The following ZFPM2 variants were observed in gnomAD, a reference collection of about 807,000 sequenced individuals.
ZFPM2 encodes the protein zinc finger protein, FOG family member 2.
Under a neutral mutation model 98.6 loss-of-function variants are expected in ZFPM2, and 20 were observed. The ratio of observed to expected loss-of-function variants is 0.20; its 90% CI spans 0.14 to 0.29. The LOEUF (loss-of-function observed/expected upper bound fraction) is 0.29. Ranked by LOEUF, ZFPM2 falls within the 10% of genes least tolerant of loss-of-function variation. The pLI, the probability that ZFPM2 is intolerant of heterozygous loss-of-function variation, is 1.00. For synonymous variants in ZFPM2, 518 were observed against 502.7 expected (o/e 1.03, Z -0.41); for missense variants, 1,310 against 1,388.6 (o/e 0.94, Z 0.90).
chr8:105,428,239 T>G (rs1158484233), intron 2 of ZFPM2, among the ~76,000 whole-genome samples: 1 of 152,148 alleles, frequency 6.6e-6, no homozygotes, highest in Admixed American at 6.5e-5. Flanking sequence ...TAATAAACAC[T>G]TACTGTACAC....
chr8:105,674,803 T>A (rs917118929), intron 5 of ZFPM2, among the ~76,000 whole-genome samples: 10 of 152,146 alleles, frequency 6.6e-5, no homozygotes, highest in African/African-American at 2.4e-4. Context: ...AGAAATCATT[T>A]CATGGGTGCC....
chr8:105,734,939 C>A (rs1812033408), intron 5 of ZFPM2, among the ~76,000 whole-genome samples: 1 of 150,490 alleles, frequency 6.6e-6, no homozygotes, highest in Non-Finnish European at 1.5e-5. Context: ...CTGCCATTTC[C>A]AGTTTCTCTC....
intron 3 of ZFPM2, among the ~76,000 whole-genome samples, chr8:105,542,180 A>G (rs1175110845): frequency 6.6e-6 from 1 of 152,166 alleles, no homozygotes. Context: ...GAGTAAAAAT[A>G]TCGTAATGTT....
intron 3 of ZFPM2, among the ~76,000 whole-genome samples, chr8:105,457,970 G>A (rs1160489022): frequency 3.3e-5 from 5 of 152,160 alleles, no homozygotes; most frequent in Admixed American, 2.0e-4. Flanking sequence ...ACAATAAAAG[G>A]GTTTGGTAAA....
chr8:105,635,540 T>C (rs1458033107), intron 5 of ZFPM2, among the ~76,000 whole-genome samples: 1 of 152,122 alleles, frequency 6.6e-6, no homozygotes, highest in Non-Finnish European at 1.5e-5. Context: ...CCCACTAATT[T>C]TCTAACCCGG....
chr8:105,327,660 A>AT (rs2130659619), intron 1 of ZFPM2, among the ~76,000 whole-genome samples: 1 of 151,750 alleles, frequency 6.6e-6, no homozygotes, highest in Admixed American at 6.6e-5. Context: ...AATTTTGTCC[A>AT]TTTTCCCTTT....
At chr8:105,439,279 C>T (rs749750113) in intron 2 of ZFPM2, among the ~76,000 whole-genome samples, 2 of 152,230 alleles carry the variant, frequency 1.3e-5, no homozygotes, top group Non-Finnish European at 2.9e-5. Flanking sequence ...AGTGTGGCCT[C>T]ATGGTTGTTT....
At chr8:105,409,040 A>G (rs1264943975) in intron 1 of ZFPM2, among the ~76,000 whole-genome samples, 1 of 151,836 alleles carries the variant, frequency 6.6e-6, no homozygotes, top group Non-Finnish European at 1.5e-5. Context: ...GCAGTGGAAC[A>G]TGTGTGTGAT....
At position 105,697,312 on chromosome 8, in the gene ZFPM2, C is replaced by T. The variant is rs145920084; in HGVS notation, c.532+62955C>T. ...TTCCAATGTTTGGTACAATCTTAGACGGTGCAGATGTAGTTGCCTTTGGTA... is the reference window on the plus strand; with the variant it reads ...TTCCAATGTTTGGTACAATCTTAGATGGTGCAGATGTAGTTGCCTTTGGTA... On this transcript the variant is annotated intron_variant, in intron 5 of 7. Transcript: ENST00000407775. 2.9e-3 allele frequency among the ~76,000 whole-genome samples: 440 copies of T among 152,298 alleles called. 3 individuals are homozygous for T. Among genetic ancestry groups the T allele is most frequent in the African/African-American group, 0.01 (416 of 41,572 alleles).
chr8:105,667,080 G>A (rs761694348), intron 5 of ZFPM2, among the ~76,000 whole-genome samples: 6 of 152,150 alleles, frequency 3.9e-5, no homozygotes, highest in Non-Finnish European at 7.4e-5. Flanking sequence ...CATACAAATT[G>A]TGTTTTTCAG....
chr8:105,563,949 G>C (rs1037409751), intron 4 of ZFPM2, among the ~76,000 whole-genome samples: 1 of 151,902 alleles, frequency 6.6e-6, no homozygotes, highest in East Asian at 1.9e-4. Context: ...TGCTATTTTT[G>C]ATTAATCTTG....
intron 5 of ZFPM2, among the ~76,000 whole-genome samples, chr8:105,785,967 C>T (rs1422827491): frequency 2.1e-5 from 3 of 145,144 alleles, no homozygotes; most frequent in Non-Finnish European, 3.0e-5. Context: ...GCATGAAACC[C>T]AGAGGCAGAG....
chr8:105,629,341 G>A (rs1429874480), intron 4 of ZFPM2, among the ~76,000 whole-genome samples: 13 of 152,156 alleles, frequency 8.5e-5, no homozygotes. Context: ...ATAAATAAAT[G>A]ATCAATGACT....
chr8:105,694,486 T>C (rs1810970590), intron 5 of ZFPM2, among the ~76,000 whole-genome samples: 1 of 152,170 alleles, frequency 6.6e-6, no homozygotes, highest in Admixed American at 6.5e-5. Context: ...CTTTACTTCT[T>C]AGAGACTCAG....
At chr8:105,761,284 C>G (rs942846452) in intron 5 of ZFPM2, among the ~76,000 whole-genome samples, 3 of 151,972 alleles carry the variant, frequency 2.0e-5, no homozygotes, top group African/African-American at 4.8e-5. Context: ...AGGGAATGCT[C>G]TATGTATTCT....
chr8:105,425,153 A>G (rs1458450684), intron 2 of ZFPM2, among the ~76,000 whole-genome samples: 2 of 151,986 alleles, frequency 1.3e-5, no homozygotes, highest in Non-Finnish European at 2.9e-5. Flanking sequence ...TGCTCTTGGA[A>G]TCTGTTGGAT....
intron 5 of ZFPM2, among the ~76,000 whole-genome samples, chr8:105,640,374 T>G (rs1420151220): frequency 6.6e-6 from 1 of 152,022 alleles, no homozygotes; most frequent in African/African-American, 2.4e-5. Flanking sequence ...GCAGCAATAG[T>G]TTATGCTAAT....
At chr8:105,795,246 T>TGTGTGTGTGTGTG (rs1554582313) in intron 6 of ZFPM2, among the ~76,000 whole-genome samples, 2 of 138,228 alleles carry the variant, frequency 1.4e-5, no homozygotes, top group East Asian at 4.3e-4. Context: ...CATTTTATCT[T>TGTGTGTGTGTGTG]TGTGTGTGTG....
At chr8:105,663,166 C>A (rs1158729556) in intron 5 of ZFPM2, among the ~76,000 whole-genome samples, 1 of 152,122 alleles carries the variant, frequency 6.6e-6, no homozygotes, top group East Asian at 1.9e-4. Flanking sequence ...CAGCACTAGG[C>A]ACTGGGAATG....
Sources: allele counts gnomAD v4.1 joint callset (sites outside exome capture counted in the v4.1 genomes callset), GRCh38; gene constraint gnomAD v4.1.1; transcripts MANE v1.5; gene names NCBI Gene and HGNC (gene_info 2026-07-23, HGNC 2026-07-21).